Variants in CFAP61 observed in about 807,000 individuals in gnomAD.
The protein encoded by CFAP61 is cilia- and flagella-associated protein 61.
In CFAP61, 107 loss-of-function variants were observed where a neutral mutation model predicts 135.6. The observed-to-expected ratio is 0.79, with a 90% CI of 0.67 to 0.93. The LOEUF (loss-of-function observed/expected upper bound fraction) is 0.93. Ranked by LOEUF, CFAP61 falls within the 40% of genes least tolerant of loss-of-function variation. The probability of loss-of-function intolerance (pLI) is 0.00; values close to 1 mark genes in which losing one functional copy is unlikely to be tolerated. For synonymous variants in CFAP61, 575 were observed against 578.5 expected, an observed-to-expected ratio of 0.99 and a Z score of 0.09; for missense variants, 1,507 against 1,556.2, an observed-to-expected ratio of 0.97 and a Z score of 0.53.
intron 26 of CFAP61, among the ~76,000 whole-genome samples, chr20:20,342,964 G>A (rs550687104): frequency 1.3e-4 from 19 of 151,906 alleles, no homozygotes; most frequent in African/African-American, 4.3e-4. Context: ...AGGTTCAAGC[G>A]ATTCTCCTGC....
intron 25 of CFAP61, among the ~76,000 whole-genome samples, chr20:20,334,146 A>C (rs1402470486): frequency 6.6e-6 from 1 of 151,584 alleles, no homozygotes; most frequent in Non-Finnish European, 1.5e-5. Context: ...TTTTTTTTTG[A>C]GACAAAGTCT....
chr20:20,316,082 A>G (rs1181874881), intron 25 of CFAP61, among the ~76,000 whole-genome samples: 2 of 151,912 alleles, frequency 1.3e-5, no homozygotes, highest in Non-Finnish European at 2.9e-5. Flanking sequence ...GAAGAAAGTC[A>G]TTGGTAGCTT....
At chr20:20,093,545 C>T (rs959753623) in intron 7 of CFAP61, among the ~76,000 whole-genome samples, 2 of 151,096 alleles carry the variant, frequency 1.3e-5, no homozygotes, top group Non-Finnish European at 1.5e-5. Context: ...AGTGATTCTC[C>T]TGCCTCAGCC....
intron 3 of CFAP61, among the ~76,000 whole-genome samples, chr20:20,072,701 C>T (rs1421265476): frequency 6.6e-6 from 1 of 152,110 alleles, no homozygotes; most frequent in African/African-American, 2.4e-5. Context: ...ATGTGGTAGC[C>T]ACCAGCCTTA....
intron 17 of CFAP61, among the ~76,000 whole-genome samples, chr20:20,223,558 T>C (rs1261307070): frequency 1.3e-5 from 2 of 152,242 alleles, no homozygotes; most frequent in Non-Finnish European, 2.9e-5. Flanking sequence ...TATCAGCCTA[T>C]TTATTGTTTT....
intron 13 of CFAP61, among the ~76,000 whole-genome samples, chr20:20,173,085 A>G (rs970149774): frequency 3.3e-5 from 5 of 152,010 alleles, no homozygotes; most frequent in Non-Finnish European, 5.9e-5. Context: ...ATGTTTTTCC[A>G]TGTCTTTTCA....
At chr20:20,259,222 A>C (rs2051937989) in intron 20 of CFAP61, among the ~76,000 whole-genome samples, 1 of 150,414 alleles carries the variant, frequency 6.6e-6, no homozygotes, top group Non-Finnish European at 1.5e-5. Flanking sequence ...CCCTGATGTC[A>C]ACAGGAACCC....
intron 22 of CFAP61, among the ~76,000 whole-genome samples, chr20:20,287,783 A>C (rs570362000): frequency 2.0e-5 from 3 of 152,212 alleles, no homozygotes; most frequent in Non-Finnish European, 2.9e-5. Flanking sequence ...AGCGTGTTTC[A>C]ATTGGTCCAA....
At chr20:20,232,831 C>G (rs2049255415) in intron 18 of CFAP61, 1 of 152,206 alleles carries the variant, frequency 6.6e-6, no homozygotes, top group Non-Finnish European at 1.5e-5. Flanking sequence ...CTGAAAGCAG[C>G]CCAGCTGGTG....
chr20:20,262,817 TTCAA>T, intron 20 of CFAP61, 135 bp from the exon 21 acceptor site: 1 of 420,612 alleles, frequency 2.4e-6, no homozygotes, highest in East Asian at 3.7e-5. Context: ...TTTTTTTTTT[TTCAA>T]TTAAAATCTG....
intron 6 of CFAP61, among the ~76,000 whole-genome samples, chr20:20,088,072 T>A (rs2046932508): frequency 6.6e-6 from 1 of 152,164 alleles, no homozygotes; most frequent in African/African-American, 2.4e-5. Flanking sequence ...AGTAGTACAG[T>A]CATACCCATT....
intron 6 of CFAP61, 125 bp from the exon 7 acceptor site, chr20:20,090,719 A>C: frequency 5.6e-6 from 4 of 719,190 alleles, no homozygotes; most frequent in Non-Finnish European, 9.0e-6. Flanking sequence ...AAAAGAAGGA[A>C]AGTTGATATC....
chr20:20,088,299 C>T (rs2046946365), intron 6 of CFAP61, among the ~76,000 whole-genome samples: 1 of 152,132 alleles, frequency 6.6e-6, no homozygotes, highest in African/African-American at 2.4e-5. Context: ...TTAGTCCATT[C>T]TCACACTACT....
intron 25 of CFAP61, among the ~76,000 whole-genome samples, chr20:20,298,807 C>T (rs6106225): frequency 4.6e-5 from 7 of 152,214 alleles, no homozygotes; most frequent in African/African-American, 9.6e-5. Flanking sequence ...AGCCTTCCTC[C>T]TCATGGCATG....
intron 8 of CFAP61, among the ~76,000 whole-genome samples, chr20:20,123,263 T>C (rs1396715646): frequency 1.3e-5 from 2 of 151,846 alleles, no homozygotes; most frequent in African/African-American, 2.4e-5. Flanking sequence ...ATGCAAAAGC[T>C]CTTTAGTTTA....
chr20:20,273,463 C>T (rs2053518145), intron 21 of CFAP61, among the ~76,000 whole-genome samples: 1 of 152,076 alleles, frequency 6.6e-6, no homozygotes, highest in Admixed American at 6.5e-5. Flanking sequence ...TAGTGAATAC[C>T]AAGCAGAAAT....
At chr20:20,140,896 T>G (rs569200828) in intron 8 of CFAP61, among the ~76,000 whole-genome samples, 7 of 151,508 alleles carry the variant, frequency 4.6e-5, no homozygotes, top group African/African-American at 1.5e-4. Flanking sequence ...AAAAAGGAAA[T>G]GTTTTATATG....
intron 14 of CFAP61, among the ~76,000 whole-genome samples, chr20:20,190,901 T>C (rs1477614908): frequency 2.6e-5 from 4 of 152,068 alleles, no homozygotes; most frequent in Non-Finnish European, 2.9e-5. Context: ...GGTGGATTCC[T>C]TGAGGCCAGG....
chr20:20,140,234 G>A (rs1242513582), intron 8 of CFAP61, among the ~76,000 whole-genome samples: 2 of 147,528 alleles, frequency 1.4e-5, no homozygotes, highest in Non-Finnish European at 3.0e-5. Context: ...GGGTACATGT[G>A]CACAATGTGC....
Sources: gnomAD v4.1 joint callset for allele counts (sites outside exome capture counted in the v4.1 genomes callset) on GRCh38, gnomAD v4.1.1 for gene constraint, MANE v1.5 for transcripts, NCBI Gene and HGNC (gene_info 2026-07-23, HGNC 2026-07-21) for gene names.